The following PLEKHH2 variants were observed in gnomAD, a reference collection of about 807,000 sequenced individuals.
The protein encoded by PLEKHH2 is pleckstrin homology domain-containing family H member 2.
In PLEKHH2, 129 loss-of-function variants were observed where a neutral mutation model predicts 187.9. The observed-to-expected ratio is 0.69, with a 90% CI of 0.59 to 0.79. PLEKHH2 has a LOEUF of 0.79. Among genes scored for constraint, PLEKHH2 ranks in the 30% least tolerant of loss-of-function variants. The pLI, the probability that PLEKHH2 is intolerant of heterozygous loss-of-function variation, is 0.00. For synonymous variants in PLEKHH2, 686 were observed against 605.6 expected (o/e 1.13, Z -1.95); for missense variants, 2,076 against 1,751.2 (o/e 1.19, Z -3.31).
At chr2:43,677,846 C>A (rs1469301647) in intron 2 of PLEKHH2, among the ~76,000 whole-genome samples, 1 of 148,362 alleles carries the variant, frequency 6.7e-6, no homozygotes. Flanking sequence ...CCCCCACCTC[C>A]CTCCCGGACG....
At chr2:43,679,511 T>A (rs1452259360) in intron 3 of PLEKHH2, 11 of 335,402 alleles carry the variant, frequency 3.3e-5, no homozygotes, top group African/African-American at 3.0e-4. Context: ...TTTTTTTTTT[T>A]TTGAGACGGA....
At chr2:43,696,917 T>C (rs1325814010) in intron 6 of PLEKHH2, among the ~76,000 whole-genome samples, 1 of 152,206 alleles carries the variant, frequency 6.6e-6, no homozygotes, top group Non-Finnish European at 1.5e-5. Flanking sequence ...TAACTACTCT[T>C]AAAGGGATTA....
At chr2:43,709,607 G>A (rs961880005) in intron 11 of PLEKHH2, among the ~76,000 whole-genome samples, 13 of 152,180 alleles carry the variant, frequency 8.5e-5, no homozygotes, top group Admixed American at 8.5e-4. Flanking sequence ...GGAGGCCAAG[G>A]CAGGCGGATC....
intron 19 of PLEKHH2, among the ~76,000 whole-genome samples, chr2:43,736,615 C>T (rs1029178824): frequency 6.6e-6 from 1 of 152,066 alleles, no homozygotes; most frequent in African/African-American, 2.4e-5. Context: ...GGGTGTATCA[C>T]CTGAGATCAG....
intron 1 of PLEKHH2, among the ~76,000 whole-genome samples, chr2:43,642,230 A>G (rs1250990995): frequency 6.6e-6 from 1 of 151,978 alleles, no homozygotes; most frequent in Non-Finnish European, 1.5e-5. Context: ...ATTAGTTTTG[A>G]TGCTATTGTA....
In PLEKHH2 at chr2:43,689,658, G is replaced by C. The variant is rs567043662; in HGVS notation, c.187-2856G>C. Among the ~76,000 whole-genome samples, 120 of 152,312 alleles carry C rather than the reference G, an allele frequency of 7.9e-4. 2 individuals carry two copies. In the South Asian group the frequency reaches 0.024, roughly 30 times the overall value. ...AATAGGATCAGTTGGTAAGTAGGTT[G>C]CTTGTAACTACTTTGTGGTCTCTTT... On this transcript the variant is annotated intron_variant, in intron 3 of 29. Transcript: ENST00000282406.
chr2:43,680,749 T>C (rs772704050), intron 3 of PLEKHH2: 6 of 406,566 alleles, frequency 1.5e-5, no homozygotes, highest in Non-Finnish European at 2.8e-5. Context: ...AGGACCTCTA[T>C]ATGTGGCAGC....
rs756400407 is a variant in PLEKHH2 at position 43,729,657 on chromosome 2, G to T, written c.2742G>T (p.Leu914=). The T allele has an allele frequency of 6.2e-7, 1 of 1,602,960 alleles. No homozygotes were observed. The highest frequency in any genetic ancestry group is 8.5e-7 in the Non-Finnish European group (1 of 1,175,884). Residue 914 remains leucine (L), a synonymous_variant, in exon 18 of 30, where the codon CTG becomes CTT. Coordinates refer to ENST00000282406, the MANE Select transcript of PLEKHH2 (RefSeq NM_172069.4). The stretch of plus-strand genomic sequence containing the variant: ...TTAAGGACACTTGGCTTTATCATCT[G>T]ACTGTTGCAGCTGGAAGCAACAATG... ...KHEKDTWLYH[L]TVAAGSNNVN... is the part of the protein sequence containing the mutation.
chr2:43,659,487 C>A (rs1666959656), intron 2 of PLEKHH2, among the ~76,000 whole-genome samples: 1 of 151,760 alleles, frequency 6.6e-6, no homozygotes, highest in African/African-American at 2.4e-5. Flanking sequence ...TTTTACCAGA[C>A]TAAATTGGTC....
At chr2:43,715,443 G>A (rs952782477) in intron 15 of PLEKHH2, among the ~76,000 whole-genome samples, 13 of 152,288 alleles carry the variant, frequency 8.5e-5, no homozygotes, top group Admixed American at 7.8e-4. Flanking sequence ...TGCAGGGTTT[G>A]TAACAGGAGC....
intron 7 of PLEKHH2, 104 bp downstream of exon 7, chr2:43,697,460 C>T: frequency 3.2e-6 from 3 of 937,370 alleles, no homozygotes; most frequent in Non-Finnish European, 4.6e-6. Flanking sequence ...TTTTTTCTGA[C>T]AATTTGATGT....
chr2:43,714,980 C>T (rs568954881), intron 15 of PLEKHH2, among the ~76,000 whole-genome samples: 4 of 152,064 alleles, frequency 2.6e-5, no homozygotes, highest in South Asian at 2.1e-4. Flanking sequence ...GGAGACAGCG[C>T]GAATGAAGGC....
At chr2:43,668,030 T>A (rs1667300167) in intron 2 of PLEKHH2, among the ~76,000 whole-genome samples, 1 of 152,146 alleles carries the variant, frequency 6.6e-6, no homozygotes, top group African/African-American at 2.4e-5. Flanking sequence ...GCATTCTTTT[T>A]TGTTGTTGTT....
rs560318573 is a variant in PLEKHH2 at position 43,720,255 on chromosome 2, A to G, written c.2461-414A>G. ...GGTGAGCACCAAAGCAAAACTTGCC[A>G]TTCTACTACTGTTAACAGGTAAATC... On this transcript the variant is annotated intron_variant, in intron 15 of 29. Transcript: ENST00000282406. 6.6e-5 allele frequency among the ~76,000 whole-genome samples: 10 copies of G among 151,464 alleles called. No individual in the cohort carries two copies. The South Asian group carries it at 2.1e-3, about 32-fold the overall frequency.
chr2:43,700,254 T>A lies in PLEKHH2; in HGVS notation c.1296T>A (p.Pro432=). ...CTGGAAAAGGAACACAATTAGTGCCTTCATCACACCTGCCACCCCCAAAGT... is the reference window on the plus strand; with the variant it reads ...CTGGAAAAGGAACACAATTAGTGCCATCATCACACCTGCCACCCCCAAAGT... ...SLSGKGTQLV[P]SSHLPPPKLR... Residue 432 remains proline, a synonymous_variant, in exon 8 of 30, where the codon CCT becomes CCA. Coordinates refer to ENST00000282406, the MANE Select transcript of PLEKHH2 (RefSeq NM_172069.4). 1 of 1,614,172 alleles carries A rather than the reference T, an allele frequency of 6.2e-7. No individual in the cohort carries two copies. Among genetic ancestry groups the A allele is most frequent in the Non-Finnish European group, 8.5e-7 (1 of 1,180,030 alleles).
chr2:43,668,668 C>T (rs1444045161), intron 2 of PLEKHH2, among the ~76,000 whole-genome samples: 1 of 152,108 alleles, frequency 6.6e-6, no homozygotes, highest in Non-Finnish European at 1.5e-5. Flanking sequence ...AGTAGAACTA[C>T]AGGATCAAAA....
intron 15 of PLEKHH2, 102 bp downstream of exon 15, chr2:43,712,485 A>G: frequency 2.2e-6 from 3 of 1,343,072 alleles, no homozygotes; most frequent in East Asian, 2.6e-5. Flanking sequence ...TTGAATATTG[A>G]TATGATCTTG....
At chr2:43,735,057 G>A (rs1223966644) in intron 19 of PLEKHH2, among the ~76,000 whole-genome samples, 3 of 152,124 alleles carry the variant, frequency 2.0e-5, no homozygotes, top group Non-Finnish European at 4.4e-5. Flanking sequence ...GGGCGTAGTG[G>A]TGCATTCCTG....
intron 2 of PLEKHH2, among the ~76,000 whole-genome samples, chr2:43,646,925 T>C (rs970098579): frequency 2.0e-5 from 3 of 151,960 alleles, no homozygotes; most frequent in African/African-American, 7.2e-5. Flanking sequence ...AGTAGATAAA[T>C]GTGCCAAGTT....
Sources: allele counts gnomAD v4.1 joint callset (sites outside exome capture counted in the v4.1 genomes callset), GRCh38; gene constraint gnomAD v4.1.1; transcripts MANE v1.5; gene names NCBI Gene and HGNC (gene_info 2026-07-23, HGNC 2026-07-21).